The following TIAM1 variants were observed in gnomAD, a reference collection of about 807,000 sequenced individuals.
TIAM1 encodes the protein rho guanine nucleotide exchange factor TIAM1.
In TIAM1, 65 loss-of-function variants were observed where a neutral mutation model predicts 163.5. That is an observed-to-expected ratio of 0.40 (90% CI 0.33 to 0.49). The LOEUF (loss-of-function observed/expected upper bound fraction) is 0.49. Ranked by LOEUF, TIAM1 falls within the 20% of genes least tolerant of loss-of-function variation. The pLI, the probability that TIAM1 is intolerant of heterozygous loss-of-function variation, is 0.77. For missense variants in TIAM1, 1,789 were observed against 2,044.7 expected, an observed-to-expected ratio of 0.87 and a Z score of 2.41; for synonymous variants, 833 against 810.1, an observed-to-expected ratio of 1.03 and a Z score of -0.48.
intron 2 of TIAM1, among the ~76,000 whole-genome samples, chr21:31,337,190 A>T (rs1262289322): frequency 6.6e-6 from 1 of 152,286 alleles, no homozygotes; most frequent in Non-Finnish European, 1.5e-5. Context: ...ACCAGAAAGT[A>T]GGTAGGGGAG....
chr21:31,452,660 G>T (rs1250422096), intron 2 of TIAM1: 1 of 443,528 alleles, frequency 2.3e-6, no homozygotes, highest in Non-Finnish European at 4.3e-6. Flanking sequence ...AATTCTCAGG[G>T]CTTTTAATAT....
intron 2 of TIAM1, among the ~76,000 whole-genome samples, chr21:31,329,438 G>A (rs1417098347): frequency 1.3e-5 from 2 of 152,228 alleles, no homozygotes; most frequent in Non-Finnish European, 2.9e-5. Context: ...TGGGAAGGGT[G>A]ATAAGACTGA....
At chr21:31,462,873 G>T (rs2045385404) in intron 2 of TIAM1, among the ~76,000 whole-genome samples, 1 of 151,974 alleles carries the variant, frequency 6.6e-6, no homozygotes, top group African/African-American at 2.4e-5. Context: ...CTCCCAAGTA[G>T]CTGGGATTAC....
chr21:31,477,707 G>A (rs546801061), intron 1 of TIAM1, among the ~76,000 whole-genome samples: 1 of 152,124 alleles, frequency 6.6e-6, no homozygotes, highest in African/African-American at 2.4e-5. Context: ...AACTCTAAAT[G>A]CATTTTTTTA....
intron 2 of TIAM1, among the ~76,000 whole-genome samples, chr21:31,286,181 C>T (rs2073802110): frequency 1.3e-5 from 2 of 152,194 alleles, no homozygotes; most frequent in South Asian, 4.1e-4. Context: ...GGTAGCATAA[C>T]CTAACAGAAG....
intron 16 of TIAM1, among the ~76,000 whole-genome samples, chr21:31,161,264 C>G (rs535309156): frequency 1.5e-4 from 23 of 152,148 alleles, no homozygotes; most frequent in Non-Finnish European, 2.6e-4. Context: ...GAATGCATGA[C>G]ACATGACCGC....
intron 2 of TIAM1, among the ~76,000 whole-genome samples, chr21:31,352,432 T>TAC (rs1569256977): frequency 6.6e-6 from 1 of 151,202 alleles, no homozygotes; most frequent in Non-Finnish European, 1.5e-5. Flanking sequence ...ATGAAGTGTG[T>TAC]ACTTAAAAAT....
intron 20 of TIAM1, among the ~76,000 whole-genome samples, chr21:31,144,999 C>T (rs2083046136): frequency 6.6e-6 from 1 of 151,982 alleles, no homozygotes; most frequent in African/African-American, 2.4e-5. Context: ...ACAAATTGCT[C>T]AAGGGCAGAG....
chr21:31,359,840 GGAAGGA>G (rs1569263518), intron 2 of TIAM1, among the ~76,000 whole-genome samples: 5 of 141,490 alleles, frequency 3.5e-5, no homozygotes, highest in African/African-American at 1.4e-4. Context: ...AAGGAAGGAA[GGAAGGA>G]AGGAAGGAAG....
chr21:31,215,586 A>T (rs2087148995), intron 9 of TIAM1, among the ~76,000 whole-genome samples: 1 of 151,448 alleles, frequency 6.6e-6, no homozygotes. Context: ...AAAAAAAAAA[A>T]AAAGAAGAGA....
intron 2 of TIAM1, among the ~76,000 whole-genome samples, chr21:31,437,363 G>A (rs149033151): frequency 0.015 from 2,320 of 152,118 alleles, 33 homozygotes; most frequent in South Asian, 0.037. Flanking sequence ...TTAGCTGGAC[G>A]TGGTGGCAGG....
intron 1 of TIAM1, among the ~76,000 whole-genome samples, chr21:31,476,177 T>A (rs186348111): frequency 5.3e-5 from 8 of 152,330 alleles, no homozygotes; most frequent in Non-Finnish European, 7.4e-5. Context: ...AAAATACAAA[T>A]GGAAAGGGCC....
At chr21:31,264,089 C>T (rs1009212555) in intron 4 of TIAM1, among the ~76,000 whole-genome samples, 4 of 152,150 alleles carry the variant, frequency 2.6e-5, no homozygotes, top group Non-Finnish European at 5.9e-5. Flanking sequence ...ACCACAGATG[C>T]AGCCTTGGTA....
intron 2 of TIAM1, among the ~76,000 whole-genome samples, chr21:31,436,761 C>G (rs1017332046): frequency 6.6e-6 from 1 of 152,082 alleles, no homozygotes; most frequent in African/African-American, 2.4e-5. Context: ...AGTTTGAGAC[C>G]AGCCTAGCCA....
In TIAM1 at chr21:31,268,725, G is replaced by C. The variant is rs114059761; in HGVS notation, c.-11-1742C>G. Among the ~76,000 whole-genome samples the C allele has an allele frequency of 9.5e-3, 1,440 of 152,264 alleles. 22 individuals are homozygous for C. The highest frequency in any genetic ancestry group is 0.033 in the African/African-American group (1,367 of 41,542). Reference sequence around the variant, plus strand: ...AAGAAGCAAGAAAAAAGATAAAAACGAAAAGATCAACGGTCTGTGCACAAC... The same window carrying C: ...AAGAAGCAAGAAAAAAGATAAAAACCAAAAGATCAACGGTCTGTGCACAAC... On this transcript the variant is annotated intron_variant, in intron 3 of 27. Transcript: ENST00000541036.
At chr21:31,169,896 A>C (rs559293271) in intron 15 of TIAM1, among the ~76,000 whole-genome samples, 8 of 152,340 alleles carry the variant, frequency 5.3e-5, no homozygotes, top group African/African-American at 1.9e-4. Context: ...ATCATCTTAA[A>C]ATTTTAAGAT....
chr21:31,143,224 T>G lies in TIAM1; in HGVS notation c.3476-1720A>C, dbSNP rs113821010. Among the ~76,000 whole-genome samples, 1,294 of 152,234 alleles carry G rather than the reference T, an allele frequency of 8.5e-3. 9 individuals carry two copies. Among genetic ancestry groups the G allele is most frequent in the Non-Finnish European group, 0.014 (951 of 68,010 alleles). ...ACCAGTAAATGAACACAATCAACAT[T>G]GGAAAAAGCACATTCTTCACATTCA... On this transcript the variant is annotated intron_variant, in intron 20 of 27. Transcript: ENST00000541036.
In TIAM1 at chr21:31,190,816, G is replaced by A. The variant is rs77170395; in HGVS notation, c.2576-3729C>T. 8.7e-3 allele frequency among the ~76,000 whole-genome samples: 1,326 copies of A among 152,316 alleles called. 25 individuals carry two copies. Among genetic ancestry groups the A allele is most frequent in the African/African-American group, 0.03 (1,253 of 41,570 alleles). On this transcript the variant is annotated intron_variant, in intron 13 of 27. Coordinates refer to ENST00000541036, the MANE Select transcript of TIAM1 (RefSeq NM_001353694.2). ...TTCCCGCTTTAAGTGTGTTCAGTCA[G>A]TTGGATTATTAAATTATATTCTCCT...
intron 1 of TIAM1, among the ~76,000 whole-genome samples, chr21:31,497,933 T>C (rs1039634041): frequency 1.3e-5 from 2 of 152,228 alleles, no homozygotes; most frequent in African/African-American, 4.8e-5. Context: ...AAATAAATTA[T>C]GTGATTGACT....
Sources: gnomAD v4.1 joint callset for allele counts (sites outside exome capture counted in the v4.1 genomes callset) on GRCh38, gnomAD v4.1.1 for gene constraint, MANE v1.5 for transcripts, NCBI Gene and HGNC (gene_info 2026-07-23, HGNC 2026-07-21) for gene names.